The following ARID4B variants were observed in gnomAD, a reference collection of about 807,000 sequenced individuals.
ARID4B encodes the protein AT-rich interaction domain 4B.
Under a neutral mutation model 147.5 loss-of-function variants are expected in ARID4B, and 26 were observed. The observed-to-expected ratio is 0.18, with a 90% CI of 0.13 to 0.24. ARID4B has a LOEUF of 0.24. Among genes scored for constraint, ARID4B ranks in the 10% least tolerant of loss-of-function variants. ARID4B has a pLI of 1.00. For synonymous variants in ARID4B, 512 were observed against 507.9 expected (o/e 1.01, Z -0.11); for missense variants, 1,179 against 1,511.5 (o/e 0.78, Z 3.65).
intron 2 of ARID4B, among the ~76,000 whole-genome samples, chr1:235,279,648 CAA>C (rs1267213327): frequency 6.6e-6 from 1 of 152,212 alleles, no homozygotes; most frequent in Non-Finnish European, 1.5e-5. Context: ...GGGCTGCTTG[CAA>C]AGCTGGCCCT....
At chr1:235,296,393 A>T (rs1277571753) in intron 2 of ARID4B, 1 of 152,230 alleles carries the variant, frequency 6.6e-6, no homozygotes, top group Non-Finnish European at 1.5e-5. Flanking sequence ...AAAATAAATA[A>T]ATAAATCATA....
intron 2 of ARID4B, among the ~76,000 whole-genome samples, chr1:235,301,149 G>C (rs1673109606): frequency 6.8e-6 from 1 of 147,342 alleles, no homozygotes; most frequent in South Asian, 2.1e-4. Context: ...GCCTCCCAAA[G>C]TGTTGGGATT....
At chr1:235,283,988 C>T (rs1428388665) in intron 2 of ARID4B, among the ~76,000 whole-genome samples, 3 of 152,114 alleles carry the variant, frequency 2.0e-5, no homozygotes, top group Non-Finnish European at 4.4e-5. Context: ...CCGCCTGCCT[C>T]GGCCTCCCAA....
chr1:235,225,837 G>A (rs374213950), intron 11 of ARID4B, among the ~76,000 whole-genome samples: 2 of 152,066 alleles, frequency 1.3e-5, no homozygotes, highest in African/African-American at 4.8e-5. Flanking sequence ...ACAAAGAAAG[G>A]TAATTTTTTT....
chr1:235,266,169 C>T (rs1341174031), intron 2 of ARID4B, among the ~76,000 whole-genome samples: 4 of 152,214 alleles, frequency 2.6e-5, no homozygotes, highest in South Asian at 2.1e-4. Flanking sequence ...AAGTGTATCA[C>T]GACCCCTTAG....
intron 2 of ARID4B, among the ~76,000 whole-genome samples, chr1:235,287,078 G>C (rs554024006): frequency 6.6e-6 from 1 of 152,114 alleles, no homozygotes; most frequent in Non-Finnish European, 1.5e-5. Context: ...TGGCTAACAC[G>C]GTGAAACCCT....
At chr1:235,309,375 G>A (rs1287877512) in intron 2 of ARID4B, among the ~76,000 whole-genome samples, 1 of 150,844 alleles carries the variant, frequency 6.6e-6, no homozygotes, top group African/African-American at 2.4e-5. Context: ...CCCCGTCTGG[G>A]AAGTGAGGAG....
chr1:235,175,083 G>A, intron 22 of ARID4B, 101 bp downstream of exon 22: 1 of 1,071,350 alleles, frequency 9.3e-7, no homozygotes, highest in Non-Finnish European at 1.4e-6. Flanking sequence ...CTCCAGCCTG[G>A]TGACAGAGCG....
At chr1:235,306,601 G>A (rs1363017997) in intron 2 of ARID4B, among the ~76,000 whole-genome samples, 2 of 152,020 alleles carry the variant, frequency 1.3e-5, no homozygotes. Flanking sequence ...CAAAGCATCT[G>A]CTTAACATTC....
chr1:235,251,165 G>T (rs987442321), intron 6 of ARID4B, among the ~76,000 whole-genome samples: 1 of 149,774 alleles, frequency 6.7e-6, no homozygotes, highest in African/African-American at 2.5e-5. Flanking sequence ...AGTGAGGAAA[G>T]AAAGGATATT....
intron 2 of ARID4B, among the ~76,000 whole-genome samples, chr1:235,321,190 T>C (rs1312735046): frequency 1.3e-5 from 2 of 152,148 alleles, no homozygotes. Context: ...TTTTTTTAAT[T>C]ACAATAAACA....
At chr1:235,276,400 T>C (rs1469604279) in intron 2 of ARID4B, among the ~76,000 whole-genome samples, 1 of 152,150 alleles carries the variant, frequency 6.6e-6, no homozygotes, top group Non-Finnish European at 1.5e-5. Context: ...AAAATATATT[T>C]ACACTTTTTA....
chr1:235,257,028 C>T lies in ARID4B; in HGVS notation c.183+132G>A. 7.3e-6 allele frequency: 5 copies of T among 682,108 alleles called. No homozygotes were observed. In the Admixed American group the frequency reaches 8.2e-5, roughly 11 times the overall value. The allele number at this position is 682,108 out of a possible 1,614,324, so 42.3% of individuals were successfully genotyped here. ...GTCACTGAGATTAAGTCTATTTTTTCTATTAGTCTTTTTAGAGAAAATTAC... is the reference window on the plus strand; with the variant it reads ...GTCACTGAGATTAAGTCTATTTTTTTTATTAGTCTTTTTAGAGAAAATTAC... On this transcript the variant is annotated intron_variant, in intron 4 of 23. Transcript: ENST00000264183.
At chr1:235,247,111 G>A (rs915715591) in intron 6 of ARID4B, among the ~76,000 whole-genome samples, 7 of 151,076 alleles carry the variant, frequency 4.6e-5, no homozygotes, top group East Asian at 1.9e-4. Flanking sequence ...CCTTTCCTAC[G>A]TTTTCTTAAG....
At chr1:235,310,576 G>C (rs914650270) in intron 2 of ARID4B, among the ~76,000 whole-genome samples, 7 of 152,186 alleles carry the variant, frequency 4.6e-5, no homozygotes, top group Non-Finnish European at 8.8e-5. Flanking sequence ...CCATATAACT[G>C]TACGGTTAAA....
chr1:235,168,236 T>C lies in ARID4B; in HGVS notation c.*289A>G, dbSNP rs1663081057. 1 of 308,238 alleles carries C rather than the reference T, an allele frequency of 3.2e-6. No homozygotes were observed. Among genetic ancestry groups the C allele is most frequent in the South Asian group, 6.2e-5 (1 of 16,198 alleles). 19.1% of individuals were successfully genotyped at this position (308,238 alleles called of 1,614,324 possible). ...CCACCCCTTAACTATGCTTACTGTA[T>C]TGTCTCTACAGGCAGTGAAAAGCCT... On this transcript the variant is annotated 3_prime_UTR_variant, in exon 24 of 24. Transcript: ENST00000264183.
chr1:235,217,926 A>G (rs184334370), intron 16 of ARID4B, among the ~76,000 whole-genome samples: 264 of 152,298 alleles, frequency 1.7e-3, no homozygotes, highest in African/African-American at 6.0e-3. Flanking sequence ...CCTTATATAT[A>G]CTGTGTTTTT....
chr1:235,175,285 G>A lies in ARID4B; in HGVS notation c.3563C>T (p.Thr1188Met), dbSNP rs140515034. ...CTTTCCACATTTTCCTGGAGACTGC[G>A]TCCTTGCGGGAGATTTGGTACTATG... Reference protein sequence around the residue: ...KSHSTKSPARTQSPGKCGKNG... With the variant: ...KSHSTKSPARMQSPGKCGKNG... The change falls in exon 22 of 24, where the codon ACG (threonine) becomes ATG (methionine). Residue 1188 changes from threonine to methionine, a missense_variant. Coordinates refer to ENST00000264183, the MANE Select transcript of ARID4B (RefSeq NM_016374.6). 186 of 1,613,972 alleles carry A rather than the reference G, an allele frequency of 1.2e-4. No individual in the cohort carries two copies. Among genetic ancestry groups the A allele is most frequent in the Admixed American group, 1.7e-4 (10 of 60,002 alleles).
intron 5 of ARID4B, among the ~76,000 whole-genome samples, chr1:235,253,530 C>T (rs1352123676): frequency 6.6e-6 from 1 of 152,124 alleles, no homozygotes; most frequent in African/African-American, 2.4e-5. Context: ...AACTTGGCTG[C>T]AGTAATTACT....
Sources: allele counts gnomAD v4.1 joint callset (sites outside exome capture counted in the v4.1 genomes callset), GRCh38; gene constraint gnomAD v4.1.1; transcripts MANE v1.5; gene names NCBI Gene and HGNC (gene_info 2026-07-23, HGNC 2026-07-21).